The following PIBF1 variants were observed in gnomAD, a reference collection of about 807,000 sequenced individuals.
The protein encoded by PIBF1 is progesterone-induced-blocking factor 1.
Under a neutral mutation model 112.5 loss-of-function variants are expected in PIBF1, and 90 were observed. The observed-to-expected ratio is 0.80, with a 90% confidence interval of 0.67 to 0.95. PIBF1 has a LOEUF of 0.95. Among genes scored for constraint, PIBF1 ranks in the 40% least tolerant of loss-of-function variants. The pLI, the probability that PIBF1 is intolerant of heterozygous loss-of-function variation, is 0.00. For missense variants in PIBF1, 915 were observed against 852.3 expected (o/e 1.07, Z -0.92); for synonymous variants, 301 against 288.6 (o/e 1.04, Z -0.44).
intron 14 of PIBF1, among the ~76,000 whole-genome samples, chr13:72,943,047 A>G (rs1478003673): frequency 1.3e-5 from 2 of 152,210 alleles, no homozygotes; most frequent in Non-Finnish European, 2.9e-5. Context: ...CATTTATTTC[A>G]TTACTAGAAA....
At chr13:72,951,380 A>C (rs563261209) in intron 14 of PIBF1, among the ~76,000 whole-genome samples, 1 of 152,326 alleles carries the variant, frequency 6.6e-6, no homozygotes, top group African/African-American at 2.4e-5. Flanking sequence ...AAAGTTTTTT[A>C]ACTTCTTTGG....
intron 11 of PIBF1, among the ~76,000 whole-genome samples, chr13:72,899,022 T>C (rs184709265): frequency 7.2e-5 from 11 of 151,988 alleles, no homozygotes; most frequent in African/African-American, 2.7e-4. Flanking sequence ...CTAGAAAACC[T>C]AAAAGAGATG....
intron 5 of PIBF1, among the ~76,000 whole-genome samples, chr13:72,810,538 T>A (rs1026335343): frequency 2.0e-5 from 3 of 152,208 alleles, no homozygotes; most frequent in African/African-American, 7.2e-5. Context: ...TTCAGTTAAT[T>A]TTATTTGTAT....
At chr13:72,963,482 T>C (rs1334474491) in intron 14 of PIBF1, among the ~76,000 whole-genome samples, 1 of 152,062 alleles carries the variant, frequency 6.6e-6, no homozygotes, top group African/African-American at 2.4e-5. Flanking sequence ...TAATCCCAGC[T>C]ACTCAGAAGG....
intron 10 of PIBF1, among the ~76,000 whole-genome samples, chr13:72,860,308 GGTGTGTGTGTGTGTGTGTGTGTGTGTGT>G (rs3219561): frequency 7.0e-6 from 1 of 143,148 alleles, no homozygotes; most frequent in African/African-American, 2.6e-5. Context: ...TTTTTTTAGG[GGTGTGTGTGTGTGTGTGTGTGTGTGTGT>G]GTGTGTGTGT....
In PIBF1 at chr13:72,832,071, C is replaced by CTTTTTTTTTT. The variant is rs1491281184; in HGVS notation, c.1098-3172_1098-3171insTTTTTTTTTT. 4.5e-4 allele frequency among the ~76,000 whole-genome samples: 27 copies of CTTTTTTTTTT among 59,494 alleles called. 7 individuals are homozygous for CTTTTTTTTTT. Among genetic ancestry groups the CTTTTTTTTTT allele is most frequent in the Admixed American group, 7.6e-4 (3 of 3,934 alleles). The allele number at this position is 59,494 out of a possible 152,430, so 39.0% of individuals were successfully genotyped here. The stretch of plus-strand genomic sequence containing the variant: ...TCAGAGATTAGAATTGCAATTCCGG[C>CTTTTTTTTTT]CTTTTTTTTTTTTTTTTTTTTTTTT... On this transcript the variant is annotated intron_variant, in intron 8 of 17. Coordinates refer to ENST00000326291, the MANE Select transcript of PIBF1 (RefSeq NM_006346.4).
At chr13:72,813,828 T>C (rs117888717) in intron 5 of PIBF1, among the ~76,000 whole-genome samples, 30 of 147,768 alleles carry the variant, frequency 2.0e-4, no homozygotes, top group Non-Finnish European at 3.4e-4. Context: ...AGGGAAGAAA[T>C]TGATAGAGAC....
At chr13:72,909,470 G>A (rs1033192651) in intron 12 of PIBF1, among the ~76,000 whole-genome samples, 2 of 151,800 alleles carry the variant, frequency 1.3e-5, no homozygotes, top group African/African-American at 4.8e-5. Context: ...GAGAGGAGAT[G>A]ACACTGCAAT....
chr13:72,936,598 G>C (rs2041877362), intron 14 of PIBF1, among the ~76,000 whole-genome samples: 1 of 152,140 alleles, frequency 6.6e-6, no homozygotes, highest in Non-Finnish European at 1.5e-5. Flanking sequence ...CATTTGTTGA[G>C]AAACAATCAT....
At chr13:72,998,672 T>C (rs1357103370) in intron 16 of PIBF1, 150 bp from the exon 17 acceptor site, 3 of 572,972 alleles carry the variant, frequency 5.2e-6, no homozygotes, top group South Asian at 4.9e-5. Context: ...AAAAGATTCA[T>C]GTGCATGATT....
At chr13:73,015,844 A>ATTTTCT (rs1177264405) in intron 17 of PIBF1, 25 bp from the exon 18 acceptor site, 1 of 1,453,410 alleles carries the variant, frequency 6.9e-7, no homozygotes, top group African/African-American at 1.4e-5. Context: ...ATTTTATTGG[A>ATTTTCT]TTTTCTTTTT....
At chr13:72,928,036 T>TAC (rs1324470736) in intron 13 of PIBF1, among the ~76,000 whole-genome samples, 29 of 137,788 alleles carry the variant, frequency 2.1e-4, no homozygotes, top group African/African-American at 7.3e-4. Context: ...CATATATATA[T>TAC]ATATATATAC....
chr13:72,822,225 C>T (rs910059925), intron 6 of PIBF1, among the ~76,000 whole-genome samples: 6 of 151,972 alleles, frequency 3.9e-5, no homozygotes, highest in South Asian at 2.1e-4. Context: ...TAAAATCACA[C>T]GTGTGTAAAT....
At chr13:72,908,838 C>A (rs966874302) in intron 12 of PIBF1, among the ~76,000 whole-genome samples, 157 bp downstream of exon 12, 1 of 149,688 alleles carries the variant, frequency 6.7e-6, no homozygotes, top group African/African-American at 2.4e-5. Context: ...CACTTGAGGT[C>A]AGGAGTTCGA....
chr13:72,896,528 C>A (rs2040287416), intron 11 of PIBF1, among the ~76,000 whole-genome samples: 1 of 151,946 alleles, frequency 6.6e-6, no homozygotes, highest in Non-Finnish European at 1.5e-5. Flanking sequence ...AAAGGTGAAG[C>A]CCAGTGCAAG....
At chr13:72,908,140 A>T (rs904496756) in intron 11 of PIBF1, among the ~76,000 whole-genome samples, 1 of 152,192 alleles carries the variant, frequency 6.6e-6, no homozygotes, top group Non-Finnish European at 1.5e-5. Context: ...TATTGTCAGT[A>T]TATCGTTTTT....
At chr13:72,905,875 T>A (rs9318125) in intron 11 of PIBF1, among the ~76,000 whole-genome samples, 117,855 of 152,038 alleles carry the variant, frequency 0.78, 45,999 homozygotes, top group South Asian at 0.85. Context: ...ATTCTGGTTG[T>A]TAAAACTGAG....
intron 14 of PIBF1, among the ~76,000 whole-genome samples, chr13:72,962,192 A>G (rs1345267261): frequency 6.6e-6 from 1 of 152,208 alleles, no homozygotes; most frequent in African/African-American, 2.4e-5. Flanking sequence ...TTAACAATCT[A>G]GAAAAATGAT....
chr13:72,812,795 C>T (rs975297522), intron 5 of PIBF1, among the ~76,000 whole-genome samples: 1 of 150,238 alleles, frequency 6.7e-6, no homozygotes, highest in South Asian at 2.1e-4. Flanking sequence ...AAAAAAAAAA[C>T]CCCAAAACAA....
Sources: gnomAD v4.1 joint callset for allele counts (sites outside exome capture counted in the v4.1 genomes callset) on GRCh38, gnomAD v4.1.1 for gene constraint, MANE v1.5 for transcripts, NCBI Gene and HGNC (gene_info 2026-07-23, HGNC 2026-07-21) for gene names.